Variants in PITPNC1 observed in about 807,000 individuals in gnomAD.
PITPNC1 encodes phosphatidylinositol transfer protein cytoplasmic 1, also known as cytoplasmic phosphatidylinositol transfer protein 1.
Under a neutral mutation model 44.7 loss-of-function variants are expected in PITPNC1, and 18 were observed. The ratio of observed to expected loss-of-function variants is 0.40; its 90% confidence interval spans 0.28 to 0.60. The LOEUF is 0.60. Ranked by LOEUF, PITPNC1 falls within the 20% of genes least tolerant of loss-of-function variation. The pLI is 0.39. For synonymous variants in PITPNC1, 141 were observed against 149.6 expected (o/e 0.94, Z 0.42); for missense variants, 290 against 418.4 (o/e 0.69, Z 2.68).
intron 1 of PITPNC1, among the ~76,000 whole-genome samples, chr17:67,487,491 T>G (rs903686245): frequency 1.3e-5 from 2 of 152,108 alleles, no homozygotes; most frequent in African/African-American, 4.8e-5. Flanking sequence ...TTGTTATTGC[T>G]CAGATTTACA....
At chr17:67,401,853 A>AG (rs2038318808) in intron 1 of PITPNC1, among the ~76,000 whole-genome samples, 1 of 152,014 alleles carries the variant, frequency 6.6e-6, no homozygotes, top group Non-Finnish European at 1.5e-5. Context: ...AAAGAAAAAA[A>AG]AAAAAGAAAA....
intron 1 of PITPNC1, among the ~76,000 whole-genome samples, chr17:67,503,499 T>C (rs909674287): frequency 2.0e-5 from 3 of 152,162 alleles, no homozygotes; most frequent in Non-Finnish European, 4.4e-5. Flanking sequence ...GTAACTTCTC[T>C]GCAGCCCTTG....
At chr17:67,646,568 G>T (rs2042152057) in intron 6 of PITPNC1, among the ~76,000 whole-genome samples, 1 of 152,158 alleles carries the variant, frequency 6.6e-6, no homozygotes. Flanking sequence ...TGTCGCCCAA[G>T]CTGGAGTGCA....
At chr17:67,661,933 T>A (rs1342832591) in intron 6 of PITPNC1, among the ~76,000 whole-genome samples, 2 of 151,504 alleles carry the variant, frequency 1.3e-5, no homozygotes, top group Non-Finnish European at 2.9e-5. Flanking sequence ...AGGTGGAGGT[T>A]GCAGTGAGCC....
chr17:67,506,352 T>C (rs2040100851), intron 1 of PITPNC1, among the ~76,000 whole-genome samples: 1 of 152,208 alleles, frequency 6.6e-6, no homozygotes, highest in Non-Finnish European at 1.5e-5. Context: ...ATATTGTTTT[T>C]AGTTTAGTTT....
intron 1 of PITPNC1, among the ~76,000 whole-genome samples, chr17:67,497,218 A>G (rs924583981): frequency 1.4e-5 from 2 of 144,296 alleles, no homozygotes; most frequent in Non-Finnish European, 3.0e-5. Flanking sequence ...ATTATTATAA[A>G]CCTCCTTTTT....
At chr17:67,517,735 G>A (rs2040276143) in intron 1 of PITPNC1, among the ~76,000 whole-genome samples, 1 of 152,218 alleles carries the variant, frequency 6.6e-6, no homozygotes, top group Non-Finnish European at 1.5e-5. Context: ...TAACTTAGTG[G>A]TTGCTGGGAC....
intron 1 of PITPNC1, among the ~76,000 whole-genome samples, chr17:67,499,637 C>T (rs1035193306): frequency 6.6e-6 from 1 of 152,362 alleles, no homozygotes; most frequent in Middle Eastern, 3.4e-3. Flanking sequence ...ATATTTCAGT[C>T]AAGGAAAGAT....
intron 1 of PITPNC1, among the ~76,000 whole-genome samples, chr17:67,388,160 C>A (rs1028436141): frequency 6.6e-6 from 1 of 152,048 alleles, no homozygotes; most frequent in Non-Finnish European, 1.5e-5. Context: ...GAAATTTTAC[C>A]AATTAGAGAT....
chr17:67,530,085 CTTTTTTTTTTT>C (rs796278390), intron 1 of PITPNC1, among the ~76,000 whole-genome samples: 3 of 71,252 alleles, frequency 4.2e-5, no homozygotes, highest in South Asian at 5.4e-4. Flanking sequence ...CAACCCTTGG[CTTTTTTTTTTT>C]TTTTTTTTTT....
chr17:67,420,982 C>T (rs1598639967), intron 1 of PITPNC1, among the ~76,000 whole-genome samples: 2 of 152,290 alleles, frequency 1.3e-5, no homozygotes, highest in African/African-American at 2.4e-5. Context: ...CATTATCCAT[C>T]ATGTTAGCTA....
intron 1 of PITPNC1, among the ~76,000 whole-genome samples, chr17:67,459,096 CT>C (rs1343813975): frequency 3.6e-4 from 44 of 122,206 alleles, no homozygotes; most frequent in African/African-American, 1.1e-3. Flanking sequence ...CTCTTTGGGG[CT>C]TTTTTTTTTC....
chr17:67,559,418 C>G (rs1337645927), intron 4 of PITPNC1, among the ~76,000 whole-genome samples: 1 of 152,180 alleles, frequency 6.6e-6, no homozygotes, highest in Admixed American at 6.5e-5. Context: ...TAGGAAATAA[C>G]TTTTATCTAT....
At chr17:67,664,274 C>T (rs1407013868) in intron 6 of PITPNC1, among the ~76,000 whole-genome samples, 1 of 152,110 alleles carries the variant, frequency 6.6e-6, no homozygotes, top group African/African-American at 2.4e-5. Flanking sequence ...CTCATTTCTT[C>T]CTATGGCATA....
chr17:67,566,965 T>C (rs2040988258), intron 4 of PITPNC1, among the ~76,000 whole-genome samples: 1 of 152,224 alleles, frequency 6.6e-6, no homozygotes, highest in Admixed American at 6.5e-5. Context: ...TTCCGTGCCT[T>C]TGTTTCTTCA....
intron 5 of PITPNC1, among the ~76,000 whole-genome samples, chr17:67,630,716 A>C (rs2041954837): frequency 6.6e-6 from 1 of 150,500 alleles, no homozygotes; most frequent in Non-Finnish European, 1.5e-5. Flanking sequence ...TGAAATTTAG[A>C]CTTTTTTTTT....
chr17:67,616,535 C>T, intron 5 of PITPNC1, among the ~76,000 whole-genome samples: 1 of 152,158 alleles, frequency 6.6e-6, no homozygotes, highest in East Asian at 1.9e-4. Context: ...CTGTATCACT[C>T]TGATCACTGC....
At chr17:67,668,437 G>A (rs181461623) in intron 6 of PITPNC1, among the ~76,000 whole-genome samples, 84 of 152,170 alleles carry the variant, frequency 5.5e-4, no homozygotes, top group African/African-American at 1.9e-3. Flanking sequence ...TAAAGCTGTC[G>A]TGAGGCCAGG....
At chr17:67,408,519 G>A (rs2143836350) in intron 1 of PITPNC1, among the ~76,000 whole-genome samples, 1 of 152,216 alleles carries the variant, frequency 6.6e-6, no homozygotes, top group South Asian at 2.1e-4. Flanking sequence ...GACAGAGTGA[G>A]ACTCCGTCTC....
Sources: gnomAD v4.1 joint callset for allele counts (sites outside exome capture counted in the v4.1 genomes callset) on GRCh38, gnomAD v4.1.1 for gene constraint, MANE v1.5 for transcripts, NCBI Gene and HGNC (gene_info 2026-07-23, HGNC 2026-07-21) for gene names.